The following PRKG2 variants were observed in gnomAD, a reference collection of about 807,000 sequenced individuals.
PRKG2 encodes the protein protein kinase cGMP-dependent 2, also known as cGMP-dependent protein kinase 2.
PRKG2 carries 33 observed loss-of-function variants against 97.2 expected under a neutral mutation model. The observed-to-expected ratio is 0.34, with a 90% CI of 0.26 to 0.45. The LOEUF is 0.45. Among genes scored for constraint, PRKG2 ranks in the 20% least tolerant of loss-of-function variants. The probability of loss-of-function intolerance (pLI) is 1.00; values close to 1 mark genes in which losing one functional copy is unlikely to be tolerated. For synonymous variants in PRKG2, 330 were observed against 321.8 expected (o/e 1.03, Z -0.27); for missense variants, 638 against 900.0 (o/e 0.71, Z 3.73).
At chr4:81,203,774 A>G (rs1332910012) in intron 2 of PRKG2, among the ~76,000 whole-genome samples, 3 of 152,118 alleles carry the variant, frequency 2.0e-5, no homozygotes, top group Admixed American at 6.6e-5. Context: ...AAGTATTTAT[A>G]TGTTCTTTTA....
At chr4:81,183,892 G>A (rs1021317801) in intron 2 of PRKG2, among the ~76,000 whole-genome samples, 15 of 152,172 alleles carry the variant, frequency 9.9e-5, no homozygotes, top group Admixed American at 6.5e-5. Flanking sequence ...TTCAAACTAG[G>A]TGGAGCCCAC....
chr4:81,195,115 A>G (rs1752877143), intron 2 of PRKG2, among the ~76,000 whole-genome samples: 2 of 152,302 alleles, frequency 1.3e-5, no homozygotes, highest in East Asian at 1.9e-4. Flanking sequence ...CCTTCCCTCT[A>G]TATTTCCACA....
intron 14 of PRKG2, among the ~76,000 whole-genome samples, chr4:81,114,839 T>C (rs17005061): frequency 0.13 from 19,270 of 151,988 alleles, 1,446 homozygotes; most frequent in Middle Eastern, 0.2. Context: ...TTCTAATTTA[T>C]CCACAAATCT....
intron 14 of PRKG2, among the ~76,000 whole-genome samples, chr4:81,126,911 T>C (rs1324157571): frequency 6.6e-6 from 1 of 152,214 alleles, no homozygotes; most frequent in Middle Eastern, 3.2e-3. Flanking sequence ...TTGGTTGCCA[T>C]TGCTTTTGGT....
intron 5 of PRKG2, among the ~76,000 whole-genome samples, chr4:81,167,525 G>C (rs1367917294): frequency 1.3e-5 from 2 of 152,046 alleles, no homozygotes; most frequent in Non-Finnish European, 1.5e-5. Flanking sequence ...ATTTGTTGTT[G>C]GTTTTCACAG....
At chr4:81,158,672 G>T (rs1376480111) in intron 6 of PRKG2, among the ~76,000 whole-genome samples, 1 of 152,044 alleles carries the variant, frequency 6.6e-6, no homozygotes, top group African/African-American at 2.4e-5. Context: ...AAAGCTGGAG[G>T]CATCACACTA....
chr4:81,154,529 G>GCC (rs1186061800), intron 6 of PRKG2, among the ~76,000 whole-genome samples: 2 of 141,688 alleles, frequency 1.4e-5, no homozygotes, highest in Admixed American at 6.7e-5. Context: ...CACACGGCAG[G>GCC]GTACTCCAAC....
intron 14 of PRKG2, among the ~76,000 whole-genome samples, chr4:81,128,357 G>C (rs1745815671): frequency 6.6e-6 from 1 of 152,154 alleles, no homozygotes; most frequent in Admixed American, 6.5e-5. Context: ...AAATGAGTTA[G>C]GGAGGAGTTC....
intron 2 of PRKG2, among the ~76,000 whole-genome samples, chr4:81,189,066 T>TAAAATAAAAAAAAAAAAAAAAAAAAAA (rs1752192390): frequency 5.9e-5 from 1 of 17,062 alleles, no homozygotes; most frequent in Non-Finnish European, 7.7e-5. Context: ...AAAAAAATAA[T>TAAAATAAAAAAAAAAAAAAAAAAAAAA]AAAAAAAAAA....
chr4:81,139,370 A>T (rs1747024877), intron 12 of PRKG2, among the ~76,000 whole-genome samples: 1 of 152,158 alleles, frequency 6.6e-6, no homozygotes. Flanking sequence ...TAAAATAACC[A>T]GTTCAAACTA....
At chr4:81,128,371 T>G (rs1434073547) in intron 14 of PRKG2, among the ~76,000 whole-genome samples, 1 of 152,226 alleles carries the variant, frequency 6.6e-6, no homozygotes, top group African/African-American at 2.4e-5. Context: ...GGAGTTCCTC[T>G]TTTTCTATTG....
intron 2 of PRKG2, among the ~76,000 whole-genome samples, chr4:81,187,495 C>T (rs982626615): frequency 3.3e-5 from 5 of 152,098 alleles, no homozygotes; most frequent in Admixed American, 6.6e-5. Flanking sequence ...TTATGACAAA[C>T]CCACAGCTAA....
chr4:81,157,291 A>G (rs898392159), intron 6 of PRKG2, among the ~76,000 whole-genome samples: 2 of 152,204 alleles, frequency 1.3e-5, no homozygotes, highest in African/African-American at 4.8e-5. Context: ...ATCAGAGAAT[A>G]CTACAAACAC....
At chr4:81,146,819 A>G (rs1360098042) in intron 9 of PRKG2, among the ~76,000 whole-genome samples, 1 of 152,210 alleles carries the variant, frequency 6.6e-6, no homozygotes, top group African/African-American at 2.4e-5. Context: ...AAAGGCTGCT[A>G]TGAGAGCATT....
rs1560524806 is a variant in PRKG2, at chr4:81,089,760, G to C, written c.2237C>G (p.Pro746Arg). The C allele has an allele frequency of 6.2e-7, 1 of 1,613,258 alleles. No individual in the cohort carries two copies. Among genetic ancestry groups the C allele is most frequent in the Non-Finnish European group, 8.5e-7 (1 of 1,179,218 alleles). Residue 746 changes from proline to arginine, a missense_variant, in exon 19 of 19, where the codon CCT becomes CGT. Physicochemically the swap from Pro to Arg is moderately radical, Grantham distance 103. Transcript: ENST00000264399. ...CTCATCTGGAGGCATTCCCTTTTCA[G>C]GAGGATATTTGTCAAAGTAGCTGTG... The part of the protein sequence containing the change: ...IDHSYFDKYP[P>R]EKGMPPDELS...
upstream of PRKG2, among the ~76,000 whole-genome samples, chr4:81,217,066 T>TATATATATATATAA (rs1466238894): frequency 1.4e-5 from 2 of 145,370 alleles, no homozygotes; most frequent in African/African-American, 5.1e-5. Context: ...TGTATATATA[T>TATATATATATATAA]AATATAAAAC....
At chr4:81,144,988 T>C (rs1206627680) in intron 9 of PRKG2, among the ~76,000 whole-genome samples, 2 of 152,132 alleles carry the variant, frequency 1.3e-5, no homozygotes, top group African/African-American at 4.8e-5. Flanking sequence ...GTGCCACATT[T>C]TCTTAATCCA....
At chr4:81,149,436 T>C (rs1748173154) in intron 8 of PRKG2, among the ~76,000 whole-genome samples, 1 of 152,180 alleles carries the variant, frequency 6.6e-6, no homozygotes, top group African/African-American at 2.4e-5. Flanking sequence ...TAAAATACTT[T>C]CATTTCAAAG....
chr4:81,092,361 A>G (rs773191355), intron 18 of PRKG2, 25 bp downstream of exon 18: 1 of 1,462,558 alleles, frequency 6.8e-7, no homozygotes, highest in South Asian at 1.3e-5. Context: ...AAAAAAATAA[A>G]AAAGTAATAT....
Sources: allele counts gnomAD v4.1 joint callset (sites outside exome capture counted in the v4.1 genomes callset), GRCh38; gene constraint gnomAD v4.1.1; transcripts MANE v1.5; gene names NCBI Gene and HGNC (gene_info 2026-07-23, HGNC 2026-07-21).